Variants in ADAMTS19 observed in about 807,000 individuals in gnomAD.
ADAMTS19 encodes ADAM metallopeptidase with thrombospondin type 1 motif 19, also known as A disintegrin and metalloproteinase with thrombospondin motifs 19.
ADAMTS19 carries 93 observed loss-of-function variants against 153.3 expected under a neutral mutation model. That is an observed-to-expected ratio of 0.61 (90% CI 0.51 to 0.72). The LOEUF (loss-of-function observed/expected upper bound fraction) is 0.72. Ranked by LOEUF, ADAMTS19 falls within the 30% of genes least tolerant of loss-of-function variation. ADAMTS19 has a pLI of 0.00. For missense variants in ADAMTS19, 1,482 were observed against 1,552.1 expected, an observed-to-expected ratio of 0.95 and a Z score of 0.76; for synonymous variants, 600 against 556.6, an observed-to-expected ratio of 1.08 and a Z score of -1.10.
chr5:129,671,356 T>G (rs1754293326), intron 16 of ADAMTS19, among the ~76,000 whole-genome samples: 1 of 152,128 alleles, frequency 6.6e-6, no homozygotes, highest in African/African-American at 2.4e-5. Context: ...AACACCAATG[T>G]AGGACACATG....
chr5:129,701,528 C>G lies in ADAMTS19; in HGVS notation c.3095C>G (p.Ala1032Gly), dbSNP rs1485565546. The G allele has an allele frequency of 1.9e-6, 3 of 1,614,066 alleles. No individual in the cohort carries two copies. In the Admixed American group the frequency reaches 5.0e-5, roughly 27 times the overall value. ...AGGGACTGCATTGGGCCCAAGCCCG[C>G]CTCTGCCCAGCGCTGTGAGGGCCAG... The part of the protein sequence containing the change: ...RERDCIGPKP[A>G]SAQRCEGQDC... Residue 1032 changes from alanine (A) to glycine (G), a missense_variant, in exon 20 of 23, where the codon GCC becomes GGC. Physicochemically the swap from Ala to Gly is moderately conservative, Grantham distance 60 (BLOSUM62 0). Transcript: ENST00000274487.
chr5:129,655,916 A>C (rs1753528741), intron 14 of ADAMTS19, among the ~76,000 whole-genome samples: 1 of 152,210 alleles, frequency 6.6e-6, no homozygotes, highest in Non-Finnish European at 1.5e-5. Flanking sequence ...CAATTACCAA[A>C]ATGTAGTTTT....
chr5:129,665,469 A>C (rs368764366), intron 15 of ADAMTS19, 30 bp from the exon 16 acceptor site: 1 of 1,526,164 alleles, frequency 6.6e-7, no homozygotes, highest in Non-Finnish European at 8.9e-7. Flanking sequence ...GGAACTCAAG[A>C]TTTATTTCAT....
intron 7 of ADAMTS19, among the ~76,000 whole-genome samples, chr5:129,580,952 T>C (rs371025396): frequency 6.6e-6 from 1 of 152,192 alleles, no homozygotes; most frequent in South Asian, 2.1e-4. Flanking sequence ...CCTCATAAAA[T>C]GAGTTAGGGA....
chr5:129,587,756 T>A (rs2126899790), intron 7 of ADAMTS19, among the ~76,000 whole-genome samples: 1 of 152,270 alleles, frequency 6.6e-6, no homozygotes, highest in South Asian at 2.1e-4. Context: ...TGTCAAAATC[T>A]CCAGCCTTTT....
intron 6 of ADAMTS19, among the ~76,000 whole-genome samples, chr5:129,537,430 A>G (rs1388183384): frequency 6.6e-6 from 1 of 152,216 alleles, no homozygotes; most frequent in Non-Finnish European, 1.5e-5. Context: ...TACTGGGTAT[A>G]TACCCAAAGG....
intron 7 of ADAMTS19, among the ~76,000 whole-genome samples, chr5:129,560,832 A>C (rs1268716869): frequency 2.0e-5 from 3 of 152,174 alleles, no homozygotes; most frequent in African/African-American, 7.2e-5. Context: ...TTGGTTTTAT[A>C]GTTAAGATGT....
At chr5:129,626,823 T>G (rs1376739609) in intron 10 of ADAMTS19, among the ~76,000 whole-genome samples, 1 of 152,088 alleles carries the variant, frequency 6.6e-6, no homozygotes, top group East Asian at 1.9e-4. Context: ...ATCTAATATG[T>G]TAGTTGATGA....
intron 1 of ADAMTS19, chr5:129,460,822 A>T: frequency 2.1e-6 from 1 of 474,054 alleles, no homozygotes; most frequent in Non-Finnish European, 3.6e-6. Flanking sequence ...CTCGTGCTGG[A>T]GTCTTTGCAT....
At chr5:129,622,667 C>G (rs919459465) in intron 10 of ADAMTS19, among the ~76,000 whole-genome samples, 2 of 152,146 alleles carry the variant, frequency 1.3e-5, no homozygotes, top group Non-Finnish European at 2.9e-5. Context: ...TCTCCATTAT[C>G]TGCAGGAATT....
At chr5:129,623,501 T>C (rs895416321) in intron 10 of ADAMTS19, among the ~76,000 whole-genome samples, 4 of 152,202 alleles carry the variant, frequency 2.6e-5, no homozygotes, top group African/African-American at 9.6e-5. Context: ...TCAAAGGAGT[T>C]TGGCTTTGTT....
intron 3 of ADAMTS19, among the ~76,000 whole-genome samples, chr5:129,519,474 C>T (rs753479783): frequency 1.3e-4 from 20 of 152,126 alleles, no homozygotes; most frequent in Non-Finnish European, 2.4e-4. Context: ...CCTTGGCCAT[C>T]CTAGCTGGTG....
intron 8 of ADAMTS19, among the ~76,000 whole-genome samples, chr5:129,598,158 T>C (rs1027172063): frequency 2.0e-5 from 3 of 152,108 alleles, no homozygotes; most frequent in Admixed American, 1.3e-4. Context: ...AAAGTGTAAA[T>C]TTGACATAAA....
intron 9 of ADAMTS19, 106 bp from the exon 10 acceptor site, chr5:129,622,092 G>C: frequency 9.3e-7 from 1 of 1,075,018 alleles, no homozygotes; most frequent in Non-Finnish European, 1.4e-6. Context: ...GAAGAGCTTA[G>C]AGATATATTT....
intron 10 of ADAMTS19, among the ~76,000 whole-genome samples, chr5:129,625,660 C>G (rs1752000930): frequency 6.6e-6 from 1 of 152,166 alleles, no homozygotes; most frequent in African/African-American, 2.4e-5. Flanking sequence ...AGTGTCTGGT[C>G]ATATCCTTTG....
intron 8 of ADAMTS19, among the ~76,000 whole-genome samples, chr5:129,609,570 G>A (rs1339912207): frequency 6.6e-6 from 1 of 152,092 alleles, no homozygotes; most frequent in East Asian, 1.9e-4. Flanking sequence ...ATGAAGACTT[G>A]TAGACCACTA....
intron 7 of ADAMTS19, among the ~76,000 whole-genome samples, chr5:129,553,829 A>C (rs1394605965): frequency 6.6e-6 from 1 of 152,112 alleles, no homozygotes; most frequent in Non-Finnish European, 1.5e-5. Context: ...GTTTCACCCA[A>C]ACCCCACAAA....
chr5:129,715,308 T>C (rs1346790831), intron 21 of ADAMTS19, among the ~76,000 whole-genome samples: 1 of 152,218 alleles, frequency 6.6e-6, no homozygotes, highest in African/African-American at 2.4e-5. Context: ...TGAGAATGAT[T>C]GATATTATGG....
intron 6 of ADAMTS19, among the ~76,000 whole-genome samples, chr5:129,541,563 G>T (rs1395720595): frequency 2.0e-5 from 3 of 151,860 alleles, no homozygotes; most frequent in African/African-American, 7.2e-5. Flanking sequence ...TGCTGGCAAA[G>T]GCAATTGAAT....
Sources: gnomAD v4.1 joint callset for allele counts (sites outside exome capture counted in the v4.1 genomes callset) on GRCh38, gnomAD v4.1.1 for gene constraint, MANE v1.5 for transcripts, NCBI Gene and HGNC (gene_info 2026-07-23, HGNC 2026-07-21) for gene names.